The following PLEKHH2 variants were observed in gnomAD, a reference collection of about 807,000 sequenced individuals.
PLEKHH2 encodes the protein pleckstrin homology domain-containing family H member 2.
PLEKHH2 carries 129 observed loss-of-function variants against 187.9 expected under a neutral mutation model. That is an observed-to-expected ratio of 0.69 (90% CI 0.59 to 0.79). PLEKHH2 has a LOEUF of 0.79. Among genes scored for constraint, PLEKHH2 ranks in the 30% least tolerant of loss-of-function variants. PLEKHH2 has a pLI of 0.00. For synonymous variants in PLEKHH2, 686 were observed against 605.6 expected (o/e 1.13, Z -1.95); for missense variants, 2,076 against 1,751.2 (o/e 1.19, Z -3.31).
intron 22 of PLEKHH2, 54 bp from the exon 23 acceptor site, chr2:43,743,780 A>T (rs1262766769): frequency 9.6e-6 from 14 of 1,463,928 alleles, no homozygotes; most frequent in Admixed American, 3.7e-5. Flanking sequence ...TTAAAATCTC[A>T]GTTTGAAACT....
chr2:43,638,271 ACACACACACACACACACT>A (rs2104305395), intron 1 of PLEKHH2, among the ~76,000 whole-genome samples: 1 of 151,918 alleles, frequency 6.6e-6, no homozygotes, highest in East Asian at 1.9e-4. Flanking sequence ...ACACACACAC[ACACACACACACACACACT>A]CACACACACG....
intron 19 of PLEKHH2, among the ~76,000 whole-genome samples, chr2:43,733,816 T>A (rs1323707728): frequency 6.6e-6 from 1 of 152,190 alleles, no homozygotes; most frequent in East Asian, 1.9e-4. Flanking sequence ...TCTCTACTTT[T>A]ATACATTTTT....
At chr2:43,695,362 A>G in intron 6 of PLEKHH2, 138 bp downstream of exon 6, 1 of 460,908 alleles carries the variant, frequency 2.2e-6, no homozygotes, top group Non-Finnish European at 3.8e-6. Flanking sequence ...ATTACTAAAC[A>G]AACCAGAAGT....
At chr2:43,721,710 A>T (rs1670489191) in intron 16 of PLEKHH2, among the ~76,000 whole-genome samples, 1 of 152,008 alleles carries the variant, frequency 6.6e-6, no homozygotes, top group Non-Finnish European at 1.5e-5. Flanking sequence ...ACATAGTGGG[A>T]ACCTGTCTCT....
chr2:43,762,423 C>A, intron 28 of PLEKHH2, 33 bp downstream of exon 28: 2 of 1,468,660 alleles, frequency 1.4e-6, no homozygotes, highest in Non-Finnish European at 1.9e-6. Flanking sequence ...TGCATTAAGT[C>A]AACTGTTTCC....
At position 43,684,840 on chromosome 2, in the gene PLEKHH2, A is replaced by G. The variant is rs565987906; in HGVS notation, c.186+5915A>G. Among the ~76,000 whole-genome samples, 4 of 150,822 alleles carry G rather than the reference A, an allele frequency of 2.7e-5. 1 individual carries two copies. In the South Asian group the frequency reaches 8.4e-4, roughly 32 times the overall value. ...TTACCAAAAAAAAAAAAAAAAAGAG[A>G]GAGAATTACAAATCTCTCAGAGTTT... On this transcript the variant is annotated intron_variant, in intron 3 of 29. Transcript: ENST00000282406.
At position 43,743,860 on chromosome 2, in the gene PLEKHH2, A is replaced by G. The variant is rs955637167; in HGVS notation, c.3426A>G (p.Thr1142=). The part of the protein sequence containing the change: ...YQVVGFDAST[T]VEEFLNTLNQ... ...TAGTTGGTTTTGACGCATCTACCAC[A>G]GTGGAAGAATTTTTGAATACTTTGA... Residue 1142 remains threonine, a synonymous_variant, in exon 23 of 30, where the codon ACA becomes ACG. Transcript: ENST00000282406. The G allele has an allele frequency of 5.0e-6, 8 of 1,614,028 alleles. No individual in the cohort carries two copies. Among genetic ancestry groups the G allele is most frequent in the Non-Finnish European group, 6.8e-6 (8 of 1,179,916 alleles).
intron 23 of PLEKHH2, 49 bp from the exon 24 acceptor site, chr2:43,745,817 T>C (rs1452887535): frequency 2.1e-6 from 3 of 1,401,390 alleles, no homozygotes; most frequent in East Asian, 4.7e-5. Flanking sequence ...CTTCAAAAAA[T>C]GTTGATTTGA....
At chr2:43,655,254 G>T (rs9284742) in intron 2 of PLEKHH2, among the ~76,000 whole-genome samples, 84,558 of 151,726 alleles carry the variant, frequency 0.56, 24,047 homozygotes, top group Middle Eastern at 0.67. Flanking sequence ...CTTGAAACTG[G>T]AATGTGGCAA....
At chr2:43,734,340 A>G (rs777422650) in intron 19 of PLEKHH2, among the ~76,000 whole-genome samples, 1 of 152,244 alleles carries the variant, frequency 6.6e-6, no homozygotes, top group African/African-American at 2.4e-5. Context: ...GAACAAAAAT[A>G]ATAAAATATT....
chr2:43,725,429 C>A (rs547585897), intron 16 of PLEKHH2, among the ~76,000 whole-genome samples: 1 of 152,302 alleles, frequency 6.6e-6, no homozygotes, highest in African/African-American at 2.4e-5. Context: ...AGACCTTCCC[C>A]CCTCCTTCTG....
chr2:43,733,171 G>A (rs537774440), intron 19 of PLEKHH2, among the ~76,000 whole-genome samples: 3 of 151,992 alleles, frequency 2.0e-5, no homozygotes, highest in African/African-American at 7.2e-5. Context: ...GACCATCCTG[G>A]CTAACACCAT....
chr2:43,700,035 G>T lies in PLEKHH2; in HGVS notation c.1077G>T (p.Gln359His). The part of the protein sequence containing the change: ...KKLYSWQQEA[Q>H]WKALNSPLGK... ...TATATTCTTGGCAGCAGGAGGCACAGTGGAAAGCTCTAAATAGTCCTCTTG... is the reference window on the plus strand; with the variant it reads ...TATATTCTTGGCAGCAGGAGGCACATTGGAAAGCTCTAAATAGTCCTCTTG... Residue 359 changes from glutamine to histidine, a missense_variant, in exon 8 of 30, where the codon CAG becomes CAT. Coordinates refer to ENST00000282406, the MANE Select transcript of PLEKHH2 (RefSeq NM_172069.4). 6.2e-7 allele frequency: 1 copy of T among 1,614,198 alleles called. No homozygotes were observed. Among genetic ancestry groups the T allele is most frequent in the Non-Finnish European group, 8.5e-7 (1 of 1,180,040 alleles).
chr2:43,697,384 T>C, intron 7 of PLEKHH2, 28 bp downstream of exon 7: 1 of 1,542,046 alleles, frequency 6.5e-7, no homozygotes, highest in Non-Finnish European at 8.8e-7. Context: ...GAATTGACTT[T>C]GGCATTTTTT....
intron 16 of PLEKHH2, 115 bp from the exon 17 acceptor site, chr2:43,726,157 A>G (rs1670733454): frequency 1.3e-6 from 1 of 742,614 alleles, no homozygotes; most frequent in African/African-American, 1.8e-5. Flanking sequence ...TAAAAAATAA[A>G]GTAAAATTTT....
intron 3 of PLEKHH2, among the ~76,000 whole-genome samples, chr2:43,689,384 G>C (rs1668686989): frequency 6.6e-6 from 1 of 152,206 alleles, no homozygotes; most frequent in South Asian, 2.1e-4. Context: ...ATACACATTT[G>C]TGAGGGTTTA....
At chr2:43,649,549 A>G (rs565413160) in intron 2 of PLEKHH2, among the ~76,000 whole-genome samples, 2 of 152,324 alleles carry the variant, frequency 1.3e-5, no homozygotes, top group South Asian at 4.1e-4. Context: ...ACAGCATAGT[A>G]TATGCTTTTA....
intron 8 of PLEKHH2, among the ~76,000 whole-genome samples, chr2:43,703,566 AT>A (rs1669495583): frequency 6.6e-6 from 1 of 152,174 alleles, no homozygotes; most frequent in Non-Finnish European, 1.5e-5. Flanking sequence ...TTTATGTGTA[AT>A]CAATGATTGA....
chr2:43,726,066 T>C (rs1369124619), intron 16 of PLEKHH2, among the ~76,000 whole-genome samples: 1 of 149,132 alleles, frequency 6.7e-6, no homozygotes, highest in African/African-American at 2.5e-5. Flanking sequence ...TACAGTGAGG[T>C]TACTGATTGC....
Sources: gnomAD v4.1 joint callset for allele counts (sites outside exome capture counted in the v4.1 genomes callset) on GRCh38, gnomAD v4.1.1 for gene constraint, MANE v1.5 for transcripts, NCBI Gene and HGNC (gene_info 2026-07-23, HGNC 2026-07-21) for gene names.